Variants in SEPTIN6 observed in about 807,000 individuals in gnomAD.
SEPTIN6 encodes septin 6.
SEPTIN6 carries 8 observed loss-of-function variants against 33.6 expected under a neutral mutation model. The observed-to-expected ratio is 0.24, with a 90% CI of 0.14 to 0.43. SEPTIN6 has a LOEUF of 0.43. Ranked by LOEUF, SEPTIN6 falls within the 20% of genes least tolerant of loss-of-function variation. The pLI is 1.00. For synonymous variants in SEPTIN6, 131 were observed against 140.0 expected (o/e 0.94, Z 0.45); for missense variants, 250 against 340.8 (o/e 0.73, Z 2.10).
At chrX:119,655,954 A>C (rs1396289981) in intron 3 of SEPTIN6, among the ~76,000 whole-genome samples, 1 of 112,255 alleles carries the variant, frequency 8.9e-6, no homozygotes, top group African/African-American at 3.2e-5. Context: ...TTCCCATTCC[A>C]GTTGTTGTAA....
At chrX:119,640,854 A>G in intron 5 of SEPTIN6, 66 bp from the exon 6 acceptor site, 2 of 977,943 alleles carry the variant, frequency 2.0e-6, no homozygotes, top group Non-Finnish European at 2.9e-6. Context: ...ACACAACCCA[A>G]CTGCTGTTCG....
chrX:119,663,774 T>C (rs1446035776), intron 2 of SEPTIN6, 97 bp from the exon 3 acceptor site: 2 of 689,891 alleles, frequency 2.9e-6, no homozygotes, highest in Non-Finnish European at 2.1e-6. Flanking sequence ...CACGGGAAAA[T>C]GAACATGATA....
chrX:119,637,609 C>T (rs2054086708), intron 6 of SEPTIN6, among the ~76,000 whole-genome samples: 1 of 108,730 alleles, frequency 9.2e-6, no homozygotes, highest in Non-Finnish European at 1.9e-5. Flanking sequence ...ATCCATCCAT[C>T]CATCCATCTA....
At chrX:119,653,102 T>A in intron 3 of SEPTIN6, 62 bp from the exon 4 acceptor site, 1 of 934,234 alleles carries the variant, frequency 1.1e-6, no homozygotes, top group Non-Finnish European at 1.5e-6. Flanking sequence ...GACACCGTCC[T>A]TTTTGGAAGT....
chrX:119,690,958 AG>A (rs1430472147), intron 1 of SEPTIN6, among the ~76,000 whole-genome samples: 1 of 110,042 alleles, frequency 9.1e-6, no homozygotes. Context: ...TGGCTGGGGG[AG>A]GGGGGCATGG....
chrX:119,650,127 A>G, intron 4 of SEPTIN6, 29 bp from the exon 5 acceptor site: 1 of 1,196,862 alleles, frequency 8.4e-7, no homozygotes, highest in Non-Finnish European at 1.1e-6. Flanking sequence ...AAGTGGGGTC[A>G]TTGTTGGTAA....
chrX:119,641,492 T>C (rs2054158963), intron 5 of SEPTIN6, among the ~76,000 whole-genome samples: 1 of 112,175 alleles, frequency 8.9e-6, no homozygotes, highest in Non-Finnish European at 1.9e-5. Context: ...TCATATAAGA[T>C]AGTATGTGAT....
intron 3 of SEPTIN6, among the ~76,000 whole-genome samples, chrX:119,657,773 A>G (rs1336042119): frequency 9.0e-6 from 1 of 111,631 alleles, no homozygotes; most frequent in East Asian, 2.8e-4. Context: ...TTGGCCCCAC[A>G]AAGTGTTGGG....
chrX:119,670,860 C>T (rs749232841), intron 2 of SEPTIN6, among the ~76,000 whole-genome samples: 93 of 108,659 alleles, frequency 8.6e-4, no homozygotes, highest in Non-Finnish European at 1.7e-3. Context: ...ATTGCTTGAA[C>T]CCGGGAGGTG....
At chrX:119,677,197 C>A (rs1484115781) in intron 1 of SEPTIN6, among the ~76,000 whole-genome samples, 1 of 111,898 alleles carries the variant, frequency 8.9e-6, no homozygotes, top group Non-Finnish European at 1.9e-5. Flanking sequence ...TAAGGGTCAG[C>A]CAAGCCACTC....
intron 2 of SEPTIN6, among the ~76,000 whole-genome samples, chrX:119,664,024 C>T (rs762274964): frequency 3.6e-4 from 40 of 110,907 alleles, no homozygotes; most frequent in Non-Finnish European, 6.2e-4. Flanking sequence ...TGCTCTGTCA[C>T]CCAGGTTAGA....
chrX:119,675,806 C>T (rs1001216801), intron 1 of SEPTIN6, 138 bp from the exon 2 acceptor site: 15 of 330,662 alleles, frequency 4.5e-5, no homozygotes, highest in Non-Finnish European at 7.8e-5. Context: ...CTCAGCTACT[C>T]CCTGCTCCAA....
At chrX:119,668,825 A>G (rs2054693616) in intron 2 of SEPTIN6, among the ~76,000 whole-genome samples, 1 of 111,049 alleles carries the variant, frequency 9.0e-6, no homozygotes, top group Non-Finnish European at 1.9e-5. Context: ...GACAGGTGGT[A>G]TTTGGTTATA....
intron 10 of SEPTIN6, among the ~76,000 whole-genome samples, chrX:119,620,845 C>T (rs2053746067): frequency 9.1e-6 from 1 of 110,008 alleles, no homozygotes; most frequent in African/African-American, 3.3e-5. Flanking sequence ...TGGTCTCGAA[C>T]TCCTGACCTC....
At position 119,619,924 on chromosome X, in the gene SEPTIN6, A is replaced by T. The variant is rs5956135; in HGVS notation, c.*169T>A. ...CCCTCAGATTCTCAGGTTTCTATAA[A>T]CCTTGGCAGGAAGAGAGGAGAGGGC... On this transcript the variant is annotated 3_prime_UTR_variant, in exon 11 of 11. Transcript: ENST00000394610. The T allele has an allele frequency of 8.7e-7, 1 of 1,149,371 alleles. No individual in the cohort carries two copies. The highest frequency in any genetic ancestry group is 1.9e-5 in the African/African-American group (1 of 53,993). 94.7% of individuals were successfully genotyped at this position (1,149,371 alleles called of 1,213,427 possible).
chrX:119,637,130 C>T lies in SEPTIN6; in HGVS notation c.853G>A (p.Asp285Asn), dbSNP rs1420235417. ...CGGGTGTGGGTCTGCTCCCGCAGAT[C>T]CTCCATGTTGACCCGAATCAGCATC... ...REMLIRVNME[D>N]LREQTHTRHY... Residue 285 changes from aspartate (D) to asparagine (N), a missense_variant, in exon 7 of 11, where the codon GAT becomes AAT. Asp to Asn is a conservative substitution (Grantham distance 23, BLOSUM62 1). Transcript: ENST00000394610. 1 of 1,211,556 alleles carries T rather than the reference C, an allele frequency of 8.3e-7. No individual in the cohort carries two copies. Among genetic ancestry groups the T allele is most frequent in the Non-Finnish European group, 1.1e-6 (1 of 895,245 alleles).
At position 119,619,467 on chromosome X, in the gene SEPTIN6, A is replaced by G; in HGVS notation, c.*626T>C. The G allele has an allele frequency of 1.2e-6, 1 of 815,220 alleles. No individual in the cohort carries two copies. Among genetic ancestry groups the G allele is most frequent in the Non-Finnish European group, 1.5e-6 (1 of 676,914 alleles). The allele number at this position is 815,220 out of a possible 1,213,427, so 67.2% of individuals were successfully genotyped here. ...TAAATGCGTTGCCGATTTTGAGCAC[A>G]GCTTGAGTGCAGTTACTTCGAGTGA... is the stretch of plus-strand genomic sequence containing the variant. On this transcript the variant is annotated 3_prime_UTR_variant, in exon 11 of 11. Transcript: ENST00000394610.
At chrX:119,645,558 C>T (rs189750950) in intron 5 of SEPTIN6, among the ~76,000 whole-genome samples, 52 of 111,110 alleles carry the variant, frequency 4.7e-4, no homozygotes, top group Middle Eastern at 9.3e-3. Flanking sequence ...CCACCATGCC[C>T]GGCTAATTTT....
At chrX:119,668,795 T>C (rs1157749821) in intron 2 of SEPTIN6, among the ~76,000 whole-genome samples, 2 of 111,817 alleles carry the variant, frequency 1.8e-5, no homozygotes, top group Admixed American at 9.5e-5. Flanking sequence ...TTTTATTTTT[T>C]ATTTCCATAG....
Sources: allele counts gnomAD v4.1 joint callset (sites outside exome capture counted in the v4.1 genomes callset), GRCh38; gene constraint gnomAD v4.1.1; transcripts MANE v1.5; gene names NCBI Gene and HGNC (gene_info 2026-07-23, HGNC 2026-07-21).